The following LIN28B variants were observed in gnomAD, a reference collection of about 807,000 sequenced individuals.
The protein encoded by LIN28B is protein lin-28 homolog B.
LIN28B carries 5 observed loss-of-function variants against 21.9 expected under a neutral mutation model. The observed-to-expected ratio is 0.23, with a 90% confidence interval of 0.12 to 0.48. The LOEUF is 0.48. Among genes scored for constraint, LIN28B ranks in the 20% least tolerant of loss-of-function variants. The pLI is 0.98. For synonymous variants in LIN28B, 109 were observed against 111.3 expected, an observed-to-expected ratio of 0.98 and a Z score of 0.13; for missense variants, 245 against 310.5, an observed-to-expected ratio of 0.79 and a Z score of 1.58.
intron 3 of LIN28B, among the ~76,000 whole-genome samples, chr6:105,031,540 CTT>C (rs1304191296): frequency 1.4e-5 from 2 of 142,090 alleles, no homozygotes; most frequent in Admixed American, 1.4e-4. Context: ...TCTTTTTTTT[CTT>C]TTTTTTTTTG....
At chr6:104,945,875 A>G (rs980884698) in intron 2 of LIN28B, among the ~76,000 whole-genome samples, 2 of 152,040 alleles carry the variant, frequency 1.3e-5, no homozygotes, top group African/African-American at 4.8e-5. Context: ...ATCTTAAATT[A>G]TTACTCATTT....
At chr6:104,967,897 C>T (rs1387984456) in intron 2 of LIN28B, among the ~76,000 whole-genome samples, 1 of 152,046 alleles carries the variant, frequency 6.6e-6, no homozygotes, top group African/African-American at 2.4e-5. Context: ...CAGAATCTTG[C>T]CTTGTTGACC....
chr6:105,078,859 C>G lies in LIN28B; in HGVS notation c.*76C>G. On this transcript the variant is annotated 3_prime_UTR_variant, in exon 4 of 4. Transcript: ENST00000345080. Reference sequence around the variant, plus strand: ...ATGCAAGTATAGGGGAACAGTATTTCACAAGCAGTAGCTGACCTGGGATTT... The same window carrying G: ...ATGCAAGTATAGGGGAACAGTATTTGACAAGCAGTAGCTGACCTGGGATTT... 6.7e-7 allele frequency: 1 copy of G among 1,493,516 alleles called. No individual in the cohort carries two copies. Among genetic ancestry groups the G allele is most frequent in the East Asian group, 2.3e-5 (1 of 43,800 alleles). 92.5% of individuals were successfully genotyped at this position (1,493,516 alleles called of 1,614,324 possible). A position where few individuals can be genotyped will look rare whatever the true frequency, so the allele number is the denominator to read the frequency against.
intron 1 of LIN28B, among the ~76,000 whole-genome samples, chr6:104,957,757 A>G (rs1778311580): frequency 6.6e-6 from 1 of 152,086 alleles, no homozygotes; most frequent in South Asian, 2.1e-4. Context: ...CTCTTTGTCA[A>G]TGGGATCAGT....
chr6:104,955,028 A>C (rs1359254785), upstream of LIN28B, among the ~76,000 whole-genome samples: 1 of 152,200 alleles, frequency 6.6e-6, no homozygotes, highest in Non-Finnish European at 1.5e-5. Context: ...TTTCACCTCA[A>C]TTTACATGAA....
chr6:104,977,338 A>C (rs575099352), intron 2 of LIN28B, among the ~76,000 whole-genome samples: 4 of 152,324 alleles, frequency 2.6e-5, no homozygotes, highest in African/African-American at 4.8e-5. Flanking sequence ...CATCCTTCAG[A>C]ACCTCGCCCC....
chr6:104,984,545 A>G (rs916764170), intron 2 of LIN28B, among the ~76,000 whole-genome samples: 35 of 151,750 alleles, frequency 2.3e-4, no homozygotes, highest in Non-Finnish European at 3.5e-4. Context: ...CCTGGGCCCA[A>G]GCGATCCTCC....
At chr6:104,948,240 G>A (rs556700141) in intron 2 of LIN28B, among the ~76,000 whole-genome samples, 7 of 151,876 alleles carry the variant, frequency 4.6e-5, no homozygotes, top group East Asian at 1.9e-4. Context: ...AGGCCGAGGC[G>A]GGTGGATCAC....
At chr6:105,007,894 C>T (rs1305767372) in intron 2 of LIN28B, among the ~76,000 whole-genome samples, 1 of 152,138 alleles carries the variant, frequency 6.6e-6, no homozygotes, top group African/African-American at 2.4e-5. Flanking sequence ...TCCTTTTTGC[C>T]TTGGCCTTGC....
At chr6:105,018,352 T>G (rs1771070313) in intron 2 of LIN28B, among the ~76,000 whole-genome samples, 1 of 152,110 alleles carries the variant, frequency 6.6e-6, no homozygotes, top group Admixed American at 6.5e-5. Context: ...TCATTTTTGG[T>G]CTCTCACTTC....
At chr6:104,973,130 T>A (rs1186479789) in intron 2 of LIN28B, among the ~76,000 whole-genome samples, 6 of 151,876 alleles carry the variant, frequency 4.0e-5, no homozygotes, top group Admixed American at 2.0e-4. Context: ...AAAAAAGTCT[T>A]AACAAATGAT....
chr6:105,062,261 A>G (rs1306767985), intron 3 of LIN28B, among the ~76,000 whole-genome samples: 1 of 152,112 alleles, frequency 6.6e-6, no homozygotes, highest in African/African-American at 2.4e-5. Flanking sequence ...ACTCCTTTAC[A>G]AAGTCATCCC....
chr6:104,988,939 T>C (rs1378928767), intron 2 of LIN28B, among the ~76,000 whole-genome samples: 1 of 152,162 alleles, frequency 6.6e-6, no homozygotes, highest in Non-Finnish European at 1.5e-5. Flanking sequence ...TTCAGGGAAT[T>C]TGTGTATTTC....
chr6:104,974,506 A>G (rs1324592245), intron 2 of LIN28B, among the ~76,000 whole-genome samples: 3 of 148,920 alleles, frequency 2.0e-5, no homozygotes, highest in Non-Finnish European at 3.0e-5. Context: ...AAAAAAAAAG[A>G]AAAAGAAAAA....
intron 3 of LIN28B, among the ~76,000 whole-genome samples, chr6:105,028,116 A>G (rs1333484131): frequency 6.6e-6 from 1 of 152,174 alleles, no homozygotes; most frequent in Non-Finnish European, 1.5e-5. Flanking sequence ...TTATTTTTCC[A>G]TGTCTTTTAG....
chr6:105,029,993 G>A (rs1211016182), intron 3 of LIN28B, among the ~76,000 whole-genome samples: 1 of 152,144 alleles, frequency 6.6e-6, no homozygotes, highest in African/African-American at 2.4e-5. Flanking sequence ...ACGAGGTGGT[G>A]GTGGTCAGAA....
At chr6:104,966,561 T>C (rs565622995) in intron 2 of LIN28B, among the ~76,000 whole-genome samples, 3 of 151,208 alleles carry the variant, frequency 2.0e-5, no homozygotes, top group East Asian at 3.9e-4. Context: ...CAAGCAATTA[T>C]CCCACCTGAG....
At chr6:105,024,448 A>G (rs1452923737) in intron 2 of LIN28B, among the ~76,000 whole-genome samples, 2 of 152,208 alleles carry the variant, frequency 1.3e-5, no homozygotes, top group Admixed American at 1.3e-4. Context: ...GTGGAGAGGG[A>G]GAAAGGAAAT....
Position 105,026,334 on chromosome 6 carries a change from GA to G in LIN28B, c.237del (p.Gly80GlufsTer20). On this transcript the variant is annotated frameshift_variant, in exon 3 of 4. Transcript: ENST00000345080. LOFTEE classifies it high-confidence loss of function. ...LFMEGFRSLK[E>X]GEPVEFTFKK... ...CATGGAAGGATTTAGAAGCCTAAAA[GA>G]AGGAGAACCAGTGGAATTCACATTT... 1 of 1,611,326 alleles carries G rather than the reference GA, an allele frequency of 6.2e-7. No individual in the cohort carries two copies. The highest frequency in any genetic ancestry group is 1.1e-5 in the South Asian group (1 of 90,544).
Sources: gnomAD v4.1 joint callset for allele counts (sites outside exome capture counted in the v4.1 genomes callset) on GRCh38, gnomAD v4.1.1 for gene constraint, MANE v1.5 for transcripts, NCBI Gene and HGNC (gene_info 2026-07-23, HGNC 2026-07-21) for gene names.